Variants in TBRG1 observed in about 807,000 individuals in gnomAD.
The protein encoded by TBRG1 is nuclear interactor of ARF and MDM2.
TBRG1 carries 31 observed loss-of-function variants against 44.0 expected under a neutral mutation model. The ratio of observed to expected loss-of-function variants is 0.70; its 90% CI spans 0.53 to 0.95. The LOEUF is 0.95. Ranked by LOEUF, TBRG1 falls within the 40% of genes least tolerant of loss-of-function variation. TBRG1 has a pLI of 0.00. For missense variants in TBRG1, 487 were observed against 496.1 expected (o/e 0.98, Z 0.18); for synonymous variants, 171 against 188.1 (o/e 0.91, Z 0.74).
rs200858288 is a variant in TBRG1 at position 124,625,710 on chromosome 11, T to G, written c.261T>G (p.Thr87=). The part of the protein sequence containing the change: ...LKKLLQLQAL[T]EGEVQAAAPS... The stretch of plus-strand genomic sequence containing the variant: ...AGCTCCTCCAGCTTCAGGCTCTAAC[T>G]GAAGGGGAAGTACAGGCTGCAGCTC... Residue 87 remains threonine, a synonymous_variant, in exon 3 of 9, where the codon ACT becomes ACG. Coordinates refer to ENST00000441174, the MANE Select transcript of TBRG1 (RefSeq NM_032811.3). 8.3e-5 allele frequency: 129 copies of G among 1,554,048 alleles called. No individual in the cohort carries two copies. The highest frequency in any genetic ancestry group is 1.1e-4 in the Non-Finnish European group (127 of 1,148,046).
intron 2 of TBRG1, among the ~76,000 whole-genome samples, 161 bp from the exon 3 acceptor site, chr11:124,625,510 T>C (rs921375910): frequency 6.6e-6 from 1 of 152,244 alleles, no homozygotes; most frequent in Non-Finnish European, 1.5e-5. Context: ...GTATTGATTA[T>C]CCTCCAGGGC....
chr11:124,631,413 G>A lies in TBRG1; in HGVS notation c.1086G>A (p.Leu362=). Residue 362 remains leucine (L), a synonymous_variant, in exon 8 of 9, where the codon CTG becomes CTA. Transcript: ENST00000441174. ...IFDEDQNDPL[L]PGSLDLPELQ... The stretch of plus-strand genomic sequence containing the variant: ...ATGAAGATCAGAATGATCCCCTTCT[G>A]CCAGGTATCTTTAACTTTACCTTTC... 6.2e-7 allele frequency: 1 copy of A among 1,613,894 alleles called. No homozygotes were observed. The highest frequency in any genetic ancestry group is 8.5e-7 in the Non-Finnish European group (1 of 1,179,858).
chr11:124,629,137 A>T (rs140141519), intron 5 of TBRG1, among the ~76,000 whole-genome samples: 2 of 152,254 alleles, frequency 1.3e-5, no homozygotes, highest in Non-Finnish European at 2.9e-5. Context: ...CATGACAAAT[A>T]CTAAATAGTA....
chr11:124,629,520 C>G (rs1371103641), intron 5 of TBRG1, among the ~76,000 whole-genome samples: 1 of 152,098 alleles, frequency 6.6e-6, no homozygotes, highest in Non-Finnish European at 1.5e-5. Context: ...ACAAAATTGA[C>G]AGATCTCTAA....
rs1491564280 is a variant in TBRG1 at position 124,635,853 on chromosome 11, AAT to A, written c.*3616_*3617del. 2.0e-5 allele frequency: 3 copies of A among 152,170 alleles called. No individual in the cohort carries two copies. The highest frequency in any genetic ancestry group is 7.2e-5 in the African/African-American group (3 of 41,444). The allele number at this position is 152,170 out of a possible 1,614,324, so 9.4% of individuals were successfully genotyped here. Reference sequence around the variant, plus strand: ...CTTATAGGTAACATAATTTTCAGACAATGTTAGCTGTTTTTAATCCATCAGTA... The same window carrying A: ...CTTATAGGTAACATAATTTTCAGACAGTTAGCTGTTTTTAATCCATCAGTA... On this transcript the variant is annotated 3_prime_UTR_variant, in exon 9 of 9. Coordinates refer to ENST00000441174, the MANE Select transcript of TBRG1 (RefSeq NM_032811.3).
In TBRG1 at chr11:124,625,759, C is replaced by A. The variant is rs868276135; in HGVS notation, c.310C>A (p.Leu104Met). 2 of 1,568,900 alleles carry A rather than the reference C, an allele frequency of 1.3e-6. No homozygotes were observed. The highest frequency in any genetic ancestry group is 2.3e-5 in the East Asian group (1 of 42,700). The change falls in exon 3 of 9, where the codon CTG becomes ATG. Residue 104 changes from leucine (L) to methionine (M), a missense_variant. Coordinates refer to ENST00000441174, the MANE Select transcript of TBRG1 (RefSeq NM_032811.3). The stretch of plus-strand genomic sequence containing the variant: ...TCCTTCCCACAGTTCCAGTTTGCCC[C>A]TGACTTATGGTGTGGCCAGCTCTGT... ...AAPSHSSSLP[L>M]TYGVASSVGT...
In TBRG1 at chr11:124,624,965, T is replaced by C. The variant is rs1942429444; in HGVS notation, c.185T>C (p.Leu62Pro). 1.9e-6 allele frequency: 3 copies of C among 1,549,906 alleles called. No homozygotes were observed. Among genetic ancestry groups the C allele is most frequent in the Non-Finnish European group, 2.6e-6 (3 of 1,145,910 alleles). Residue 62 changes from leucine to proline, a missense_variant, in exon 2 of 9, where the codon CTT (leucine) becomes CCT (proline). Transcript: ENST00000441174. ...NAAICDEIAR[L>P]EEKFLKAKEE... ...GCTATTTGTGATGAAATTGCTCGTC[T>C]TGAGGAAAAATTTCTTAAAGCAAAA...
In TBRG1 at chr11:124,625,325, G is replaced by A. The variant is rs75252533; in HGVS notation, c.221+324G>A. ...TAAAAGCCAAGTGATAAAAGCAACT[G>A]CCTCTCGTTCTACAAATATTTATTC... On this transcript the variant is annotated intron_variant, in intron 2 of 8. Coordinates refer to ENST00000441174, the MANE Select transcript of TBRG1 (RefSeq NM_032811.3). 8.4e-3 allele frequency among the ~76,000 whole-genome samples: 1,284 copies of A among 152,320 alleles called. 19 individuals are homozygous for A. The highest frequency in any genetic ancestry group is 0.029 in the African/African-American group (1,216 of 41,558).
rs1239263726 is a variant in TBRG1 at position 124,634,645 on chromosome 11, A to C, written c.*2407A>C. On this transcript the variant is annotated 3_prime_UTR_variant, in exon 9 of 9. Coordinates refer to ENST00000441174, the MANE Select transcript of TBRG1 (RefSeq NM_032811.3). The stretch of plus-strand genomic sequence containing the variant: ...TACAGTATTATTTTAATAGTAGAAA[A>C]TTGTTAAAAATCTATATGTCCATTA... The C allele has an allele frequency of 2.0e-5, 3 of 152,184 alleles. No individual in the cohort carries two copies. Among genetic ancestry groups the C allele is most frequent in the African/African-American group, 7.2e-5 (3 of 41,434 alleles). The allele number at this position is 152,184 out of a possible 1,614,324, so 9.4% of individuals were successfully genotyped here. A position where few individuals can be genotyped will look rare whatever the true frequency, so the allele number is the denominator to read the frequency against.
At position 124,635,657 on chromosome 11, in the gene TBRG1, A is replaced by C. The variant is rs1476171299; in HGVS notation, c.*3419A>C. The C allele has an allele frequency of 2.0e-5, 3 of 152,230 alleles. No individual in the cohort carries two copies. The highest frequency in any genetic ancestry group is 4.4e-5 in the Non-Finnish European group (3 of 68,046). 9.4% of individuals were successfully genotyped at this position (152,230 alleles called of 1,614,324 possible). On this transcript the variant is annotated 3_prime_UTR_variant, in exon 9 of 9. Coordinates refer to ENST00000441174, the MANE Select transcript of TBRG1 (RefSeq NM_032811.3). ...TTACACTACGTAAAATACATTGTAT[A>C]TGTACAGTGAGTGATGCTTTTTGCT... is the stretch of plus-strand genomic sequence containing the variant.
Position 124,632,090 on chromosome 11 carries a change from C to T in TBRG1, c.1091-3C>T. ...GTGGAACTTAAGGAATTGTTTTCTC[C>T]AGGATCCTTGGACCTCCCAGAGCTT... On this transcript the variant is annotated splice_region_variant and splice_polypyrimidine_tract_variant and intron_variant, in intron 8 of 8. Coordinates refer to ENST00000441174, the MANE Select transcript of TBRG1 (RefSeq NM_032811.3). The T allele has an allele frequency of 1.2e-6, 2 of 1,613,522 alleles. No individual in the cohort carries two copies. The highest frequency in any genetic ancestry group is 1.1e-5 in the South Asian group (1 of 91,058).
intron 5 of TBRG1, among the ~76,000 whole-genome samples, chr11:124,629,523 A>T (rs1307896009): frequency 6.6e-6 from 1 of 152,204 alleles, no homozygotes; most frequent in Non-Finnish European, 1.5e-5. Context: ...AAATTGACAG[A>T]TCTCTAAAAT....
intron 3 of TBRG1, 110 bp downstream of exon 3, chr11:124,626,013 T>C: frequency 7.1e-7 from 1 of 1,411,702 alleles, no homozygotes; most frequent in Non-Finnish European, 9.3e-7. Context: ...TAGAGTCTCA[T>C]CTGGTTCTTA....
chr11:124,623,400 C>T (rs1228692938), intron 1 of TBRG1, 167 bp downstream of exon 1: 7 of 775,226 alleles, frequency 9.0e-6, no homozygotes, highest in Non-Finnish European at 1.6e-5. Flanking sequence ...CGTAATTTCT[C>T]TGTGTCCTCA....
chr11:124,630,824 C>T lies in TBRG1; in HGVS notation c.916C>T (p.Gln306Ter), dbSNP rs201249419. Residue 306 changes from glutamine to a stop codon, truncating the protein, a stop_gained, in exon 7 of 9, where the codon CAG (glutamine) becomes TAG (stop). Coordinates refer to ENST00000441174, the MANE Select transcript of TBRG1 (RefSeq NM_032811.3). LOFTEE classifies it high-confidence loss of function. ...FSHPAIHNLI[Q>*]SCPGARKCIN... ...TCATCCAGCCATCCACAACCTGATC[C>T]AGAGCTGTCCAGGAGCTCGAAAATG... The T allele has an allele frequency of 1.1e-4, 179 of 1,602,970 alleles. No individual in the cohort carries two copies. The highest frequency in any genetic ancestry group is 1.5e-4 in the Non-Finnish European group (176 of 1,174,452).
chr11:124,627,516 A>G (rs1942499582), intron 5 of TBRG1, among the ~76,000 whole-genome samples: 1 of 152,218 alleles, frequency 6.6e-6, no homozygotes, highest in Non-Finnish European at 1.5e-5. Flanking sequence ...TCTCAGTGCT[A>G]AGATTTGAGA....
chr11:124,630,806 G>A lies in TBRG1; in HGVS notation c.898G>A (p.Ala300Thr). 1 of 1,606,626 alleles carries A rather than the reference G, an allele frequency of 6.2e-7. No homozygotes were observed. Among genetic ancestry groups the A allele is most frequent in the Non-Finnish European group, 8.5e-7 (1 of 1,176,450 alleles). The change falls in exon 7 of 9, where the codon GCC (alanine) becomes ACC (threonine). Residue 300 changes from alanine to threonine, a missense_variant. Ala to Thr is a moderately conservative substitution (Grantham distance 58, BLOSUM62 0). Coordinates refer to ENST00000441174, the MANE Select transcript of TBRG1 (RefSeq NM_032811.3). ...GADFFGFSHP[A>T]IHNLIQSCPG... is the part of the protein sequence containing the mutation. ...TGACTTTTTTGGATTTTCTCATCCA[G>A]CCATCCACAACCTGATCCAGAGCTG...
At chr11:124,628,118 C>T (rs3017330) in intron 5 of TBRG1, among the ~76,000 whole-genome samples, 919 of 44,824 alleles carry the variant, frequency 0.021, 1 homozygote, top group East Asian at 0.026. Context: ...TATATATATA[C>T]ACACACACAC....
chr11:124,626,356 C>G, intron 3 of TBRG1, 117 bp from the exon 4 acceptor site: 1 of 950,054 alleles, frequency 1.1e-6, no homozygotes, highest in Non-Finnish European at 1.6e-6. Flanking sequence ...TATGCCCATT[C>G]AGTAAGTATA....
Sources: gnomAD v4.1 joint callset for allele counts (sites outside exome capture counted in the v4.1 genomes callset) on GRCh38, gnomAD v4.1.1 for gene constraint, MANE v1.5 for transcripts, NCBI Gene and HGNC (gene_info 2026-07-23, HGNC 2026-07-21) for gene names.